GPM6A: variants seen among roughly 807,000 people sequenced by gnomAD.
GPM6A encodes neuronal membrane glycoprotein M6-a.
A neutral mutation model predicts 32.1 loss-of-function variants in GPM6A; 7 were observed. The ratio of observed to expected loss-of-function variants is 0.22; its 90% CI spans 0.12 to 0.41. The LOEUF (loss-of-function observed/expected upper bound fraction) is 0.41, where lower values mean the gene tolerates loss of function less well. Ranked by LOEUF, GPM6A falls within the 10% of genes least tolerant of loss-of-function variation. The probability of loss-of-function intolerance (pLI) is 1.00; values close to 1 mark genes in which losing one functional copy is unlikely to be tolerated. For missense variants in GPM6A, 235 were observed against 347.2 expected (o/e 0.68, Z 2.57); for synonymous variants, 130 against 123.4 (o/e 1.05, Z -0.35).
At chr4:175,835,616 T>C (rs1735740835) in intron 1 of GPM6A, among the ~76,000 whole-genome samples, 4 of 129,886 alleles carry the variant, frequency 3.1e-5, no homozygotes, top group Non-Finnish European at 6.6e-5. Context: ...TATATGTGTG[T>C]GTGAGTGTGT....
chr4:175,816,892 G>T (rs1013605583), upstream of GPM6A, among the ~76,000 whole-genome samples: 8 of 150,678 alleles, frequency 5.3e-5, no homozygotes, highest in East Asian at 1.9e-4. Flanking sequence ...ACGGAGTCTC[G>T]CTCAAAGCCC....
intron 1 of GPM6A, among the ~76,000 whole-genome samples, chr4:175,954,476 G>A (rs1239560740): frequency 6.6e-6 from 1 of 152,198 alleles, no homozygotes; most frequent in Non-Finnish European, 1.5e-5. Flanking sequence ...CACTATTAGA[G>A]TTTTAATTAA....
chr4:175,906,989 C>G (rs916565172), intron 1 of GPM6A: 1 of 152,140 alleles, frequency 6.6e-6, no homozygotes, highest in Admixed American at 6.6e-5. Context: ...GACCTGTGGC[C>G]ATTCCAGTTA....
chr4:175,727,422 A>G (rs1024478366), intron 1 of GPM6A, among the ~76,000 whole-genome samples: 17 of 152,206 alleles, frequency 1.1e-4, no homozygotes, highest in African/African-American at 4.1e-4. Context: ...CAACATAGGG[A>G]AAAACAAATT....
chr4:175,704,313 T>C (rs944773328), intron 1 of GPM6A, among the ~76,000 whole-genome samples: 5 of 137,604 alleles, frequency 3.6e-5, no homozygotes, highest in African/African-American at 1.3e-4. Context: ...CACATCTCTC[T>C]CTTTCTCTCA....
chr4:175,799,096 G>A (rs1261368594), intron 1 of GPM6A, among the ~76,000 whole-genome samples: 4 of 151,896 alleles, frequency 2.6e-5, no homozygotes, highest in Admixed American at 2.6e-4. Context: ...TTGCAAAATG[G>A]GAAACAACAT....
intron 2 of GPM6A, 111 bp from the exon 3 acceptor site, chr4:175,673,947 T>C (rs1743223446): frequency 6.0e-6 from 4 of 669,298 alleles, no homozygotes; most frequent in African/African-American, 1.8e-5. Context: ...AGAATATTTA[T>C]ATTCATAATG....
In GPM6A at chr4:175,726,278, C is replaced by T. The variant is rs367999761; in HGVS notation, c.38-24511G>A. Among the ~76,000 whole-genome samples, 32 of 152,128 alleles carry T rather than the reference C, an allele frequency of 2.1e-4. No individual in the cohort carries two copies. In the East Asian group the frequency reaches 3.1e-3, roughly 15 times the overall value. On this transcript the variant is annotated intron_variant, in intron 1 of 6. Coordinates refer to ENST00000393658, the MANE Select transcript of GPM6A (RefSeq NM_201591.3). The stretch of plus-strand genomic sequence containing the variant: ...CCTCCCAAAGTGCTGGGATTACAGG[C>T]GTGAGCCACTGCGCCCAGCCTACCT...
intron 1 of GPM6A, among the ~76,000 whole-genome samples, chr4:175,963,703 G>T (rs1740241005): frequency 6.6e-6 from 1 of 151,964 alleles, no homozygotes; most frequent in Non-Finnish European, 1.5e-5. Context: ...CTTTAAAAAA[G>T]GAATAAATAA....
chr4:175,713,078 AAGATGAGT>A (rs1432005620), intron 1 of GPM6A, among the ~76,000 whole-genome samples: 1 of 152,200 alleles, frequency 6.6e-6, no homozygotes, highest in East Asian at 1.9e-4. Context: ...ACATGCCATA[AAGATGAGT>A]AAGGATATTT....
intron 1 of GPM6A, among the ~76,000 whole-genome samples, chr4:175,846,232 G>A (rs1365206485): frequency 1.3e-5 from 2 of 152,044 alleles, no homozygotes; most frequent in African/African-American, 2.4e-5. Context: ...TTGATAATCT[G>A]ATAAAAGCTT....
At chr4:175,637,966 A>T (rs1277304365) in intron 6 of GPM6A, among the ~76,000 whole-genome samples, 1 of 142,082 alleles carries the variant, frequency 7.0e-6, no homozygotes, top group Admixed American at 7.8e-5. Flanking sequence ...GTGCTTCCTC[A>T]TGGTTCTTAC....
Position 175,644,224 on chromosome 4 carries a change from C to T in GPM6A, c.542-3395G>A, listed in dbSNP as rs1052153102. ...CTGCAAGCTCCGCTTCCCGGGTTCA[C>T]GCCATTCTCCTGCCTCAGCCTGCTC... On this transcript the variant is annotated intron_variant, in intron 4 of 6. Coordinates refer to ENST00000393658, the MANE Select transcript of GPM6A (RefSeq NM_201591.3). Among the ~76,000 whole-genome samples, 13 of 148,614 alleles carry T rather than the reference C, an allele frequency of 8.7e-5. No individual in the cohort carries two copies. The South Asian group carries it at 1.6e-3, about 18-fold the overall frequency.
At chr4:175,637,371 A>ATT (rs1740776808) in intron 6 of GPM6A, among the ~76,000 whole-genome samples, 1 of 73,158 alleles carries the variant, frequency 1.4e-5, no homozygotes, top group African/African-American at 6.6e-5. Context: ...TATAACATAT[A>ATT]ATATATTATA....
chr4:175,771,057 G>A (rs1560924151), intron 1 of GPM6A, among the ~76,000 whole-genome samples: 1 of 152,158 alleles, frequency 6.6e-6, no homozygotes, highest in Non-Finnish European at 1.5e-5. Context: ...TCCTCTGTAT[G>A]TCTGTAGCGG....
At chr4:175,687,152 G>A (rs746602806) in intron 2 of GPM6A, among the ~76,000 whole-genome samples, 18 of 152,196 alleles carry the variant, frequency 1.2e-4, no homozygotes, top group Middle Eastern at 6.8e-3. Context: ...GGAAAGTCAT[G>A]TTTCATTATT....
chr4:175,718,884 A>T (rs978532986), intron 1 of GPM6A, among the ~76,000 whole-genome samples: 2 of 152,198 alleles, frequency 1.3e-5, no homozygotes. Context: ...CCAAGTGACT[A>T]AAGTAACTAT....
rs922777577 is a variant in GPM6A, at chr4:175,697,526, C to A, written c.230+4049G>T. Among the ~76,000 whole-genome samples the A allele has an allele frequency of 7.2e-5, 11 of 152,128 alleles. No individual in the cohort carries two copies. The East Asian group carries it at 1.9e-3, about 27-fold the overall frequency. On this transcript the variant is annotated intron_variant, in intron 2 of 6. Coordinates refer to ENST00000393658, the MANE Select transcript of GPM6A (RefSeq NM_201591.3). ...TTGTGATTAGAGTGTAGAAATAACT[C>A]CTAATGGATAAGAAGTTGCACACTT...
chr4:175,892,186 T>C (rs1362127249), intron 1 of GPM6A, among the ~76,000 whole-genome samples: 1 of 152,204 alleles, frequency 6.6e-6, no homozygotes, highest in African/African-American at 2.4e-5. Flanking sequence ...CCTACCTAAT[T>C]GAGAGATAAT....
Sources: gnomAD v4.1 joint callset for allele counts (sites outside exome capture counted in the v4.1 genomes callset) on GRCh38, gnomAD v4.1.1 for gene constraint, MANE v1.5 for transcripts, NCBI Gene and HGNC (gene_info 2026-07-23, HGNC 2026-07-21) for gene names.